The following ZNF804A variants were observed in gnomAD, a reference collection of about 807,000 sequenced individuals.
ZNF804A encodes the protein zinc finger protein 804A.
ZNF804A carries 2 observed loss-of-function variants against 16.5 expected under a neutral mutation model. The ratio of observed to expected loss-of-function variants is 0.12; its 90% CI spans 0.05 to 0.38. The LOEUF (loss-of-function observed/expected upper bound fraction) is 0.38. ZNF804A is among the 10% of genes least tolerant of loss of function. The pLI is 0.99. For synonymous variants in ZNF804A, 534 were observed against 489.6 expected (o/e 1.09, Z -1.20); for missense variants, 1,473 against 1,390.7 (o/e 1.06, Z -0.94).
At chr2:184,882,158 CA>C (rs1415724555) in intron 2 of ZNF804A, among the ~76,000 whole-genome samples, 2 of 151,774 alleles carry the variant, frequency 1.3e-5, no homozygotes, top group African/African-American at 4.8e-5. Context: ...TCAGACAAAA[CA>C]GACATTAAAA....
intron 1 of ZNF804A, among the ~76,000 whole-genome samples, chr2:184,694,817 A>G (rs967522996): frequency 1.3e-5 from 2 of 152,186 alleles, no homozygotes; most frequent in Admixed American, 1.3e-4. Flanking sequence ...TACTCAAGAG[A>G]GAGGAAGTGA....
At chr2:184,735,299 AATT>A (rs1349762110) in intron 1 of ZNF804A, among the ~76,000 whole-genome samples, 1 of 152,188 alleles carries the variant, frequency 6.6e-6, no homozygotes. Context: ...TTAATGAAAT[AATT>A]ATTTACATTA....
intron 1 of ZNF804A, among the ~76,000 whole-genome samples, chr2:184,600,595 T>A (rs2105663592): frequency 6.6e-6 from 1 of 152,342 alleles, no homozygotes; most frequent in Middle Eastern, 3.4e-3. Flanking sequence ...ACACTGTTTT[T>A]TCAATTAAAT....
chr2:184,771,369 T>C (rs79988410), intron 1 of ZNF804A, among the ~76,000 whole-genome samples: 2,205 of 152,088 alleles, frequency 0.014, 38 homozygotes, highest in African/African-American at 0.05. Flanking sequence ...ACAGTTTCTG[T>C]ACGTCAGGTG....
In ZNF804A at chr2:184,864,875, A is replaced by ATTTTTTTTTTT. The variant is rs34114485; in HGVS notation, c.112-1481_112-1471dup. 3.3e-4 allele frequency among the ~76,000 whole-genome samples: 35 copies of ATTTTTTTTTTT among 105,470 alleles called. 1 individual carries two copies. Among genetic ancestry groups the ATTTTTTTTTTT allele is most frequent in the African/African-American group, 1.5e-3 (33 of 22,128 alleles). The allele number at this position is 105,470 out of a possible 152,430, so 69.2% of individuals were successfully genotyped here. On this transcript the variant is annotated intron_variant, in intron 1 of 3. Coordinates refer to ENST00000302277, the MANE Select transcript of ZNF804A (RefSeq NM_194250.2). ...TAAGAGACTTGAATATATAGTTAGG[A>ATTTTTTTTTTT]TTTTTTTTTTTTTTTTTTTTTTTGA...
At chr2:184,772,510 T>A (rs1240293255) in intron 1 of ZNF804A, among the ~76,000 whole-genome samples, 4 of 152,104 alleles carry the variant, frequency 2.6e-5, no homozygotes, top group Non-Finnish European at 5.9e-5. Flanking sequence ...TATGTATATA[T>A]AAAATATTTG....
At chr2:184,725,433 AC>A (rs1249301014) in intron 1 of ZNF804A, among the ~76,000 whole-genome samples, 2 of 151,694 alleles carry the variant, frequency 1.3e-5, no homozygotes, top group African/African-American at 4.8e-5. Flanking sequence ...ATATGACTCT[AC>A]CATCAATTTG....
intron 1 of ZNF804A, among the ~76,000 whole-genome samples, chr2:184,619,348 T>C (rs947628129): frequency 2.6e-5 from 4 of 152,036 alleles, no homozygotes; most frequent in African/African-American, 9.7e-5. Flanking sequence ...TTAAGGTTAC[T>C]GTATAGTCTA....
chr2:184,924,548 C>A (rs527926126), intron 2 of ZNF804A, among the ~76,000 whole-genome samples: 1 of 151,096 alleles, frequency 6.6e-6, no homozygotes, highest in South Asian at 2.1e-4. Context: ...TCCTTTACTT[C>A]ATATTCATTT....
chr2:184,925,759 A>T (rs1043509692), intron 2 of ZNF804A, among the ~76,000 whole-genome samples: 2 of 151,956 alleles, frequency 1.3e-5, no homozygotes, highest in African/African-American at 4.8e-5. Flanking sequence ...ATAGTCTCTT[A>T]TAACCCACTG....
Position 184,618,656 on chromosome 2 carries a change from T to G in ZNF804A, c.111+19586T>G, listed in dbSNP as rs756021666. Among the ~76,000 whole-genome samples the G allele has an allele frequency of 4.6e-4, 70 of 152,158 alleles. No homozygotes were observed. The Middle Eastern group carries it at 0.014, about 30-fold the overall frequency. On this transcript the variant is annotated intron_variant, in intron 1 of 3. Transcript: ENST00000302277. Reference sequence around the variant, plus strand: ...ACTGTATCAATTCATGTTGCAATTTTCTCCCAGCTTTTAAAAATTCCTAGT... The same window carrying G: ...ACTGTATCAATTCATGTTGCAATTTGCTCCCAGCTTTTAAAAATTCCTAGT...
At chr2:184,785,092 G>A (rs1439724988) in intron 1 of ZNF804A, among the ~76,000 whole-genome samples, 1 of 151,930 alleles carries the variant, frequency 6.6e-6, no homozygotes, top group African/African-American at 2.4e-5. Context: ...ATGTGGCATT[G>A]AGCTAGTATC....
intron 1 of ZNF804A, among the ~76,000 whole-genome samples, chr2:184,662,256 G>A (rs1692186216): frequency 6.6e-6 from 1 of 152,100 alleles, no homozygotes; most frequent in African/African-American, 2.4e-5. Context: ...CGTTCGTTTT[G>A]TATTTTCCAC....
intron 1 of ZNF804A, among the ~76,000 whole-genome samples, chr2:184,838,020 A>G (rs1695381115): frequency 2.0e-5 from 3 of 152,144 alleles, no homozygotes; most frequent in South Asian, 2.1e-4. Flanking sequence ...TTCTGAAGGC[A>G]GGACCTGGTA....
chr2:184,809,880 A>T lies in ZNF804A; in HGVS notation c.112-56489A>T, dbSNP rs567279627. Among the ~76,000 whole-genome samples the T allele has an allele frequency of 5.6e-4, 85 of 152,240 alleles. 1 individual carries two copies. Among genetic ancestry groups the T allele is most frequent in the Non-Finnish European group, 9.9e-4 (67 of 67,996 alleles). On this transcript the variant is annotated intron_variant, in intron 1 of 3. Coordinates refer to ENST00000302277, the MANE Select transcript of ZNF804A (RefSeq NM_194250.2). Reference sequence around the variant, plus strand: ...TATCGAGGTATAATATAAACCTTTAATATCCCAAATGCCATAGCAAAATAT... The same window carrying T: ...TATCGAGGTATAATATAAACCTTTATTATCCCAAATGCCATAGCAAAATAT...
At chr2:184,750,354 T>C (rs965705229) in intron 1 of ZNF804A, among the ~76,000 whole-genome samples, 8 of 151,370 alleles carry the variant, frequency 5.3e-5, no homozygotes, top group African/African-American at 1.7e-4. Context: ...ATTTTCAATA[T>C]TATATCTTGA....
At chr2:184,647,783 GA>G (rs1691907525) in intron 1 of ZNF804A, among the ~76,000 whole-genome samples, 1 of 151,966 alleles carries the variant, frequency 6.6e-6, no homozygotes, top group African/African-American at 2.4e-5. Flanking sequence ...GAGAGAGAAA[GA>G]AAAAAGGTAA....
rs187993002 is a variant in ZNF804A, at chr2:184,614,699, C to T, written c.111+15629C>T. Reference sequence around the variant, plus strand: ...CTTAAACAAATTCACAAGAAAAAAACAAACATCCCAATCAAAAAGTCGGCA... The same window carrying T: ...CTTAAACAAATTCACAAGAAAAAAATAAACATCCCAATCAAAAAGTCGGCA... On this transcript the variant is annotated intron_variant, in intron 1 of 3. Coordinates refer to ENST00000302277, the MANE Select transcript of ZNF804A (RefSeq NM_194250.2). Among the ~76,000 whole-genome samples, 249 of 152,054 alleles carry T rather than the reference C, an allele frequency of 1.6e-3. 2 individuals carry two copies. Among genetic ancestry groups the T allele is most frequent in the African/African-American group, 5.7e-3 (237 of 41,504 alleles).
chr2:184,632,275 T>A (rs1691624202), intron 1 of ZNF804A, among the ~76,000 whole-genome samples: 1 of 152,192 alleles, frequency 6.6e-6, no homozygotes. Context: ...ATTATATTAT[T>A]TTATGTTTTC....
Sources: allele counts gnomAD v4.1 joint callset (sites outside exome capture counted in the v4.1 genomes callset), GRCh38; gene constraint gnomAD v4.1.1; transcripts MANE v1.5; gene names NCBI Gene and HGNC (gene_info 2026-07-23, HGNC 2026-07-21).